The following GRID1 variants were observed in gnomAD, a reference collection of about 807,000 sequenced individuals.
The protein encoded by GRID1 is glutamate receptor ionotropic, delta-1.
A neutral mutation model predicts 98.0 loss-of-function variants in GRID1; 28 were observed. That is an observed-to-expected ratio of 0.29 (90% CI 0.21 to 0.39). The LOEUF is 0.39. Among genes scored for constraint, GRID1 ranks in the 10% least tolerant of loss-of-function variants. GRID1 has a pLI of 1.00. For missense variants in GRID1, 1,111 were observed against 1,340.5 expected (o/e 0.83, Z 2.67); for synonymous variants, 553 against 538.5 (o/e 1.03, Z -0.37).
chr10:86,116,455 G>A (rs1844580905), intron 4 of GRID1, among the ~76,000 whole-genome samples: 1 of 152,120 alleles, frequency 6.6e-6, no homozygotes, highest in African/African-American at 2.4e-5. Context: ...GTGAGAAGCT[G>A]CCCTTCCCAA....
chr10:86,007,622 G>C (rs1305369190), intron 4 of GRID1, among the ~76,000 whole-genome samples: 1 of 152,074 alleles, frequency 6.6e-6, no homozygotes, highest in African/African-American at 2.4e-5. Context: ...AACTAGAAAA[G>C]TCAATTAAAA....
At chr10:86,153,786 G>T (rs1589389833) in intron 3 of GRID1, among the ~76,000 whole-genome samples, 1 of 152,000 alleles carries the variant, frequency 6.6e-6, no homozygotes, top group East Asian at 1.9e-4. Context: ...TAATTAAGAG[G>T]CAGGATCTGC....
At chr10:86,038,745 C>T (rs12765150) in intron 4 of GRID1, among the ~76,000 whole-genome samples, 21,083 of 152,224 alleles carry the variant, frequency 0.14, 1,853 homozygotes, top group African/African-American at 0.25. Flanking sequence ...CATTGTGTCA[C>T]TTCTCTTTAA....
At chr10:86,272,962 G>A (rs1490836705) in intron 2 of GRID1, among the ~76,000 whole-genome samples, 1 of 152,112 alleles carries the variant, frequency 6.6e-6, no homozygotes, top group Non-Finnish European at 1.5e-5. Flanking sequence ...TGCACAATGT[G>A]CAGGTTAGCT....
intron 3 of GRID1, among the ~76,000 whole-genome samples, chr10:86,191,919 G>A (rs533192814): frequency 9.2e-5 from 14 of 152,244 alleles, no homozygotes; most frequent in Admixed American, 3.9e-4. Context: ...ATCCTGCGTC[G>A]CTGGGACACA....
At chr10:85,930,208 T>G (rs1841830624) in intron 4 of GRID1, among the ~76,000 whole-genome samples, 1 of 151,532 alleles carries the variant, frequency 6.6e-6, no homozygotes, top group African/African-American at 2.4e-5. Context: ...TTGCGGTTAT[T>G]TTTAACTACA....
At chr10:85,626,293 G>C (rs1842911414) in intron 13 of GRID1, among the ~76,000 whole-genome samples, 1 of 152,224 alleles carries the variant, frequency 6.6e-6, no homozygotes, top group Non-Finnish European at 1.5e-5. Context: ...GTGGAGCCAT[G>C]TCAACCTGAG....
chr10:85,895,016 A>AAAAAAT (rs766551035), intron 5 of GRID1, among the ~76,000 whole-genome samples: 78 of 97,102 alleles, frequency 8.0e-4, no homozygotes, highest in Middle Eastern at 5.3e-3. Context: ...AAAAAAAAAA[A>AAAAAAT]ATATATATAT....
In GRID1 at chr10:86,206,392, C is replaced by A; in HGVS notation, c.492G>T (p.Lys164Asn). ...LRLVTELRWQ[K>N]FVMFYDSEYD... ...ACTCGCTGTCGTAGAACATGACGAA[C>A]TTCTGCCAGCGCAGCTCCGTCACCA... The change falls in exon 3 of 16, where the codon AAG (lysine) becomes AAT (asparagine). Residue 164 changes from lysine to asparagine, a missense_variant. Transcript: ENST00000327946. The surrounding 1 kb of genome is among the most constrained non-coding windows in gnomAD (Gnocchi z 4.1). 6.2e-7 allele frequency: 1 copy of A among 1,607,514 alleles called. No individual in the cohort carries two copies. The highest frequency in any genetic ancestry group is 8.5e-7 in the Non-Finnish European group (1 of 1,174,756).
chr10:85,965,760 A>T (rs977594744), intron 4 of GRID1, among the ~76,000 whole-genome samples: 4 of 151,874 alleles, frequency 2.6e-5, no homozygotes, highest in Admixed American at 1.3e-4. Flanking sequence ...TGTTCTGCAC[A>T]TGTACCCCAG....
chr10:86,204,998 G>A (rs1846005659), intron 3 of GRID1, among the ~76,000 whole-genome samples: 1 of 151,964 alleles, frequency 6.6e-6, no homozygotes, highest in Non-Finnish European at 1.5e-5. Context: ...AGGAGTGGGA[G>A]GGTGGGAGGG....
intron 8 of GRID1, among the ~76,000 whole-genome samples, chr10:85,743,114 C>T (rs12763515): frequency 2.2e-5 from 3 of 134,368 alleles, no homozygotes; most frequent in Non-Finnish European, 5.0e-5. Flanking sequence ...AGCCCCCCCC[C>T]CCACCACCCA....
intron 2 of GRID1, among the ~76,000 whole-genome samples, chr10:86,339,876 A>G (rs1848285498): frequency 6.6e-6 from 1 of 152,214 alleles, no homozygotes; most frequent in Non-Finnish European, 1.5e-5. Context: ...CTTGGGATAG[A>G]GGTGAACGAG....
intron 2 of GRID1, among the ~76,000 whole-genome samples, chr10:86,241,424 G>A (rs531969648): frequency 2.3e-4 from 35 of 152,310 alleles, no homozygotes; most frequent in Non-Finnish European, 4.1e-4. Flanking sequence ...CCCTACAGCC[G>A]CAGGCTGAGT....
chr10:86,215,813 A>G (rs901368942), intron 2 of GRID1, among the ~76,000 whole-genome samples: 5 of 152,088 alleles, frequency 3.3e-5, no homozygotes, highest in Admixed American at 1.3e-4. Context: ...CCCACTCTAC[A>G]GACCAAAGTC....
At position 86,113,881 on chromosome 10, in the gene GRID1, C is replaced by T. The variant is rs866873229; in HGVS notation, c.726+24938G>A. On this transcript the variant is annotated intron_variant, in intron 4 of 15. Coordinates refer to ENST00000327946, the MANE Select transcript of GRID1 (RefSeq NM_017551.3). ...GAACTAATGGGTAGAAGCCACAGGA[C>T]AGCTTTTGCCTAACATAAGGTAATT... Among the ~76,000 whole-genome samples the T allele has an allele frequency of 3.3e-5, 5 of 152,230 alleles. No individual in the cohort carries two copies. The East Asian group carries it at 9.6e-4, about 29-fold the overall frequency.
chr10:86,222,713 G>A (rs575851113), intron 2 of GRID1, among the ~76,000 whole-genome samples: 15 of 152,334 alleles, frequency 9.8e-5, no homozygotes, highest in South Asian at 8.3e-4. Context: ...GGGAGAAGGG[G>A]TGTAAGCATG....
intron 2 of GRID1, among the ~76,000 whole-genome samples, chr10:86,237,700 A>AG (rs1846563007): frequency 2.2e-5 from 3 of 134,124 alleles, no homozygotes; most frequent in African/African-American, 5.7e-5. Flanking sequence ...ACTCTGTCTC[A>AG]AAAAAAAAAA....
At chr10:85,862,817 G>A (rs995312395) in intron 6 of GRID1, among the ~76,000 whole-genome samples, 4 of 152,186 alleles carry the variant, frequency 2.6e-5, no homozygotes, top group Non-Finnish European at 4.4e-5. Flanking sequence ...CAGGAGCAAA[G>A]GCCACCAGTG....
Sources: gnomAD v4.1 joint callset for allele counts (sites outside exome capture counted in the v4.1 genomes callset) on GRCh38, gnomAD v4.1.1 for gene constraint, Gnocchi (gnomAD v3.1) non-coding constraint, MANE v1.5 for transcripts, NCBI Gene and HGNC (gene_info 2026-07-23, HGNC 2026-07-21) for gene names.